Variants in C10orf90 observed in about 807,000 individuals in gnomAD.
C10orf90 encodes (E2-independent) E3 ubiquitin-conjugating enzyme FATS.
C10orf90 carries 56 observed loss-of-function variants against 62.5 expected under a neutral mutation model. That is an observed-to-expected ratio of 0.90 (90% CI 0.72 to 1.12). C10orf90 has a LOEUF of 1.12. C10orf90 is among the 50% of genes most tolerant of loss of function. The pLI is 0.00. For synonymous variants in C10orf90, 386 were observed against 340.4 expected (o/e 1.13, Z -1.47); for missense variants, 970 against 880.4 (o/e 1.10, Z -1.29).
chr10:126,626,302 G>T (rs1451093122), intron 2 of C10orf90, among the ~76,000 whole-genome samples: 1 of 152,126 alleles, frequency 6.6e-6, no homozygotes, highest in Non-Finnish European at 1.5e-5. Flanking sequence ...GAACAGACAG[G>T]GAGGGGTTCT....
intron 4 of C10orf90, among the ~76,000 whole-genome samples, chr10:126,466,088 T>A (rs1012204290): frequency 6.6e-6 from 1 of 152,114 alleles, no homozygotes; most frequent in Non-Finnish European, 1.5e-5. Context: ...TTTAAAGAGC[T>A]ACTCTTTTTA....
chr10:126,504,820 T>C lies in C10orf90; in HGVS notation c.671A>G (p.Glu224Gly), dbSNP rs773971876. ...GPEAELPPKE[E>G]RPCGGPRRGF... ...TCTGCGGGGGCCCCCACAGGGTCTCTCCTCTTTGGGCGGCAGCTCTGCCTC... is the reference window on the plus strand; with the variant it reads ...TCTGCGGGGGCCCCCACAGGGTCTCCCCTCTTTGGGCGGCAGCTCTGCCTC... The change falls in exon 4 of 10, where the codon GAG (glutamate) becomes GGG (glycine). Residue 224 changes from glutamate (E) to glycine (G), a missense_variant. Physicochemically the swap from Glu to Gly is moderately conservative, Grantham distance 98. Transcript: ENST00000488181. This position sits in a 1 kb window ranked among gnomAD's most constrained non-coding sequence, Gnocchi z 4.1. 1.3e-6 allele frequency: 2 copies of C among 1,599,202 alleles called. No homozygotes were observed. The highest frequency in any genetic ancestry group is 1.1e-5 in the South Asian group (1 of 88,280).
intron 2 of C10orf90, among the ~76,000 whole-genome samples, chr10:126,552,939 G>A (rs906859720): frequency 1.3e-5 from 2 of 152,134 alleles, no homozygotes; most frequent in African/African-American, 4.8e-5. Context: ...CCAACAAATC[G>A]TTTTGGGTCT....
intron 4 of C10orf90, chr10:126,469,973 G>A (rs1185783889): frequency 4.4e-6 from 2 of 456,728 alleles, no homozygotes; most frequent in South Asian, 3.1e-5. Flanking sequence ...ATGCTGCGGA[G>A]GCAGGGAAGG....
Position 126,451,421 on chromosome 10 carries a change from A to T in C10orf90, c.2188+7619T>A, listed in dbSNP as rs80324565. Among the ~76,000 whole-genome samples, 1,410 of 152,200 alleles carry T rather than the reference A, an allele frequency of 9.3e-3. 9 individuals carry two copies. Among genetic ancestry groups the T allele is most frequent in the Non-Finnish European group, 0.012 (836 of 67,986 alleles). On this transcript the variant is annotated intron_variant, in intron 7 of 9. Transcript: ENST00000488181. The stretch of plus-strand genomic sequence containing the variant: ...TCAGAATAGCCAAGATATGAAATCA[A>T]CCTAAGTGTCTATCAACAGATTAAT...
At chr10:126,544,265 A>G (rs1864440313) in intron 2 of C10orf90, among the ~76,000 whole-genome samples, 1 of 152,206 alleles carries the variant, frequency 6.6e-6, no homozygotes, top group Admixed American at 6.5e-5. Context: ...CTGCTCATAG[A>G]CCATGACTGT....
intron 2 of C10orf90, among the ~76,000 whole-genome samples, chr10:126,600,474 C>T (rs1202500431): frequency 1.3e-5 from 2 of 152,090 alleles, no homozygotes; most frequent in African/African-American, 4.8e-5. Context: ...ACCTCATGGG[C>T]GCACACATGA....
intron 2 of C10orf90, among the ~76,000 whole-genome samples, chr10:126,533,320 A>G (rs1331538867): frequency 1.3e-5 from 2 of 152,146 alleles, no homozygotes; most frequent in Non-Finnish European, 2.9e-5. Flanking sequence ...CATAGATAAT[A>G]TGCTTGTGCT....
intron 4 of C10orf90, among the ~76,000 whole-genome samples, chr10:126,494,134 C>T (rs528385471): frequency 2.0e-5 from 3 of 152,308 alleles, no homozygotes; most frequent in Admixed American, 2.0e-4. Context: ...CTAAATACGA[C>T]CCACCTATAT....
In C10orf90 at chr10:126,504,913, A is replaced by G; in HGVS notation, c.578T>C (p.Ile193Thr). The G allele has an allele frequency of 6.2e-7, 1 of 1,614,192 alleles. No homozygotes were observed. Among genetic ancestry groups the G allele is most frequent in the Non-Finnish European group, 8.5e-7 (1 of 1,180,028 alleles). ...QSLANRSGVN[I>T]HRAFALLPGR... ...CGGAAGTAACGCAAATGCTCTGTGA[A>G]TGTTGACTCCGCTGCGGTTAGCCAG... Residue 193 changes from isoleucine to threonine, a missense_variant, in exon 4 of 10, where the codon ATT becomes ACT. By Grantham distance (89) the Ile-to-Thr change is moderately conservative. Transcript: ENST00000488181. The surrounding 1 kb of genome is among the most constrained non-coding windows in gnomAD (Gnocchi z 4.1).
intron 2 of C10orf90, chr10:126,523,044 T>C (rs1488693720): frequency 6.6e-6 from 1 of 152,236 alleles, no homozygotes; most frequent in Admixed American, 6.5e-5. Flanking sequence ...TGTTATTAGA[T>C]ACAGTTTTAC....
chr10:126,655,834 C>CAAAAAAAAAAAAAA (rs1195360598), intron 1 of C10orf90, among the ~76,000 whole-genome samples: 6 of 126,516 alleles, frequency 4.7e-5, no homozygotes, highest in African/African-American at 1.1e-4. Context: ...CAAAACAAAA[C>CAAAAAAAAAAAAAA]AAAACAAAAA....
rs529402587 is a variant in C10orf90 at position 126,480,481 on chromosome 10, C to T, written c.1535-15495G>A. ...TTGAATTTACAGGCATGTTTAAACA[C>T]GGCTATACCTCCATGTACCATTTGG... On this transcript the variant is annotated intron_variant, in intron 4 of 9. Coordinates refer to ENST00000488181, the MANE Select transcript of C10orf90 (RefSeq NM_001350921.2). 1.2e-4 allele frequency among the ~76,000 whole-genome samples: 19 copies of T among 152,342 alleles called. 1 individual carries two copies. The highest frequency in any genetic ancestry group is 3.8e-4 in the African/African-American group (16 of 41,576).
intron 1 of C10orf90, 63 bp downstream of exon 1, chr10:126,670,178 C>T: frequency 4.6e-6 from 2 of 436,048 alleles, no homozygotes; most frequent in Non-Finnish European, 9.3e-6. Context: ...GTCTGATGAG[C>T]AACACGTCCA....
intron 1 of C10orf90, among the ~76,000 whole-genome samples, chr10:126,655,674 G>T (rs1846378945): frequency 6.6e-6 from 1 of 152,084 alleles, no homozygotes; most frequent in African/African-American, 2.4e-5. Flanking sequence ...CCCAATTAGA[G>T]TCCTGAACAG....
At chr10:126,579,071 TAA>T (rs145344173) in intron 2 of C10orf90, among the ~76,000 whole-genome samples, 2,892 of 142,486 alleles carry the variant, frequency 0.02, 98 homozygotes, top group African/African-American at 0.069. Flanking sequence ...AGTTTTTTTT[TAA>T]AAAAAAAAAC....
At chr10:126,599,372 C>CT (rs922263702) in intron 2 of C10orf90, among the ~76,000 whole-genome samples, 1 of 148,738 alleles carries the variant, frequency 6.7e-6, no homozygotes, top group African/African-American at 2.5e-5. Flanking sequence ...TTTTTTTTTT[C>CT]TTTTTTTTAA....
rs949464805 is a variant in C10orf90, at chr10:126,454,570, C to T, written c.2188+4470G>A. Among the ~76,000 whole-genome samples the T allele has an allele frequency of 2.0e-5, 3 of 151,762 alleles. 1 individual carries two copies. The highest frequency in any genetic ancestry group is 2.0e-4 in the Admixed American group (3 of 15,258). ...ACCTACAGGAGCTGTACCCCTACTG[C>T]CTGCAGAGACTGTGTCCCCTACCTG... On this transcript the variant is annotated intron_variant, in intron 7 of 9. Transcript: ENST00000488181.
At chr10:126,608,937 G>A (rs1845372645) in intron 2 of C10orf90, among the ~76,000 whole-genome samples, 1 of 152,060 alleles carries the variant, frequency 6.6e-6, no homozygotes, top group African/African-American at 2.4e-5. Context: ...AAAACTCTTC[G>A]GGGCCTCCAA....
Sources: gnomAD v4.1 joint callset for allele counts (sites outside exome capture counted in the v4.1 genomes callset) on GRCh38, gnomAD v4.1.1 for gene constraint, Gnocchi (gnomAD v3.1) non-coding constraint, MANE v1.5 for transcripts, NCBI Gene and HGNC (gene_info 2026-07-23, HGNC 2026-07-21) for gene names.